Variants in TEX11 observed in about 807,000 individuals in gnomAD.
TEX11 encodes the protein testis-expressed protein 11.
TEX11 carries 7 observed loss-of-function variants against 84.4 expected under a neutral mutation model. The observed-to-expected ratio is 0.08, with a 90% confidence interval of 0.05 to 0.16. The LOEUF (loss-of-function observed/expected upper bound fraction) is 0.16, where lower values mean the gene tolerates loss of function less well. TEX11 is among the 10% of genes least tolerant of loss of function. TEX11 has a pLI of 1.00. For synonymous variants in TEX11, 264 were observed against 222.8 expected (o/e 1.18, Z -1.64); for missense variants, 551 against 660.5 (o/e 0.83, Z 1.82).
chrX:70,840,574 T>A (rs1262213107), intron 7 of TEX11, among the ~76,000 whole-genome samples: 2 of 111,253 alleles, frequency 1.8e-5, no homozygotes, highest in East Asian at 2.8e-4. Context: ...GCATCAACTA[T>A]CGAGCAAAAT....
chrX:70,750,785 G>C (rs1347935378), intron 9 of TEX11, among the ~76,000 whole-genome samples: 3 of 101,198 alleles, frequency 3.0e-5, no homozygotes, highest in South Asian at 4.8e-4. Flanking sequence ...GTGGGGGTAG[G>C]GGGGAGGGAT....
chrX:70,589,044 A>AATGG (rs965821937), intron 25 of TEX11, among the ~76,000 whole-genome samples: 6 of 111,101 alleles, frequency 5.4e-5, no homozygotes, highest in African/African-American at 1.3e-4. Flanking sequence ...ATTATTCTTT[A>AATGG]ATGGATACAG....
At chrX:70,879,951 C>G (rs374277935) in intron 3 of TEX11, 37 bp downstream of exon 3, 2 of 1,108,848 alleles carry the variant, frequency 1.8e-6, no homozygotes, top group Non-Finnish European at 2.4e-6. Flanking sequence ...GAAGAATCAT[C>G]GAAACTTATC....
chrX:70,531,052 G>A (rs752883695), intron 28 of TEX11, among the ~76,000 whole-genome samples: 1 of 111,105 alleles, frequency 9.0e-6, no homozygotes, highest in Admixed American at 9.6e-5. Flanking sequence ...CACAAGAACA[G>A]TTAGTTGTCT....
intron 9 of TEX11, among the ~76,000 whole-genome samples, chrX:70,751,646 GA>G (rs200769947): frequency 2.2e-3 from 235 of 109,267 alleles, no homozygotes; most frequent in African/African-American, 5.8e-3. Flanking sequence ...ACAAAAAAAA[GA>G]AAAAAAAATC....
chrX:70,580,367 T>A (rs868017838), intron 25 of TEX11, among the ~76,000 whole-genome samples: 5 of 111,643 alleles, frequency 4.5e-5, no homozygotes, highest in African/African-American at 1.6e-4. Flanking sequence ...AAAGAATGAA[T>A]AGACCTAGTG....
intron 3 of TEX11, among the ~76,000 whole-genome samples, chrX:70,879,625 A>G: frequency 9.0e-6 from 1 of 111,405 alleles, no homozygotes. Context: ...GAAGGAAAAG[A>G]GAACTAGTAT....
chrX:70,755,217 A>C (rs750015899), intron 9 of TEX11, among the ~76,000 whole-genome samples: 1 of 112,339 alleles, frequency 8.9e-6, no homozygotes, highest in East Asian at 2.8e-4. Context: ...ACTCGAAGAA[A>C]TTCAAGATAA....
intron 24 of TEX11, among the ~76,000 whole-genome samples, chrX:70,592,572 T>C (rs2147499638): frequency 8.9e-6 from 1 of 111,772 alleles, no homozygotes; most frequent in South Asian, 3.8e-4. Context: ...CAATCTCATC[T>C]CATCTCAGCT....
intron 13 of TEX11, among the ~76,000 whole-genome samples, chrX:70,690,548 A>C (rs1177347985): frequency 2.7e-5 from 3 of 110,808 alleles, no homozygotes; most frequent in African/African-American, 9.9e-5. Flanking sequence ...ATTAAAAAGA[A>C]AAAGAAAATT....
chrX:70,533,889 C>A (rs957012966), intron 28 of TEX11, among the ~76,000 whole-genome samples: 2 of 109,347 alleles, frequency 1.8e-5, no homozygotes, highest in South Asian at 8.1e-4. Context: ...GTCAAGAGAT[C>A]GAGACCATCC....
chrX:70,892,584 A>C (rs2091744145), intron 2 of TEX11, among the ~76,000 whole-genome samples: 1 of 110,150 alleles, frequency 9.1e-6, no homozygotes, highest in African/African-American at 3.3e-5. Context: ...AATACAAAAA[A>C]TTGCTGGGCG....
chrX:70,560,475 A>C (rs1414951227), intron 25 of TEX11, among the ~76,000 whole-genome samples: 2 of 110,015 alleles, frequency 1.8e-5, no homozygotes, highest in Non-Finnish European at 3.8e-5. Flanking sequence ...CCATTTTTTT[A>C]TTGGGTTATT....
At chrX:70,804,978 T>A (rs2091209978) in intron 9 of TEX11, among the ~76,000 whole-genome samples, 1 of 101,352 alleles carries the variant, frequency 9.9e-6, no homozygotes, top group African/African-American at 3.6e-5. Context: ...ATCCTTTTTT[T>A]TTTTTTTTTT....
chrX:70,773,926 G>A (rs1393211571), intron 9 of TEX11, among the ~76,000 whole-genome samples: 6 of 111,084 alleles, frequency 5.4e-5, no homozygotes, highest in Non-Finnish European at 1.1e-4. Flanking sequence ...CCAATGCAGA[G>A]AAAGAGTGAG....
the TEX11 span, among the ~76,000 whole-genome samples, chrX:70,523,760 G>C: frequency 1.0e-5 from 1 of 100,278 alleles, no homozygotes; most frequent in African/African-American, 3.9e-5. Context: ...CACTGCACCT[G>C]GCCCCCCTCT....
chrX:70,901,271 G>C lies in TEX11; in HGVS notation c.37+6482C>G, dbSNP rs750258263. 3.6e-5 allele frequency among the ~76,000 whole-genome samples: 4 copies of C among 111,633 alleles called. No individual in the cohort carries two copies. In the South Asian group the frequency reaches 1.5e-3, roughly 42 times the overall value. ...AATGAATAACTAGCGTGGTATGAAAGAAAGAAAAAGCAAATTCAGTCTTAG... is the reference window on the plus strand; with the variant it reads ...AATGAATAACTAGCGTGGTATGAAACAAAGAAAAAGCAAATTCAGTCTTAG... On this transcript the variant is annotated intron_variant, in intron 2 of 29. Transcript: ENST00000374333.
At chrX:70,807,249 A>AT (rs78390199) in intron 8 of TEX11, among the ~76,000 whole-genome samples, 30 of 106,932 alleles carry the variant, frequency 2.8e-4, no homozygotes, top group Admixed American at 1.2e-3. Flanking sequence ...GAAATGAATG[A>AT]TTTTTTTTTT....
intron 7 of TEX11, among the ~76,000 whole-genome samples, chrX:70,838,269 T>A (rs1469570089): frequency 5.4e-5 from 6 of 110,390 alleles, no homozygotes; most frequent in Non-Finnish European, 1.1e-4. Context: ...AAATACAAAA[T>A]TTAGCCTAGC....
Sources: allele counts gnomAD v4.1 joint callset (sites outside exome capture counted in the v4.1 genomes callset), GRCh38; gene constraint gnomAD v4.1.1; transcripts MANE v1.5; gene names NCBI Gene and HGNC (gene_info 2026-07-23, HGNC 2026-07-21).